The following EXD2 variants were observed in gnomAD, a reference collection of about 807,000 sequenced individuals.
EXD2 encodes exonuclease 3'-5' domain containing 2.
Under a neutral mutation model 62.5 loss-of-function variants are expected in EXD2, and 40 were observed. The observed-to-expected ratio is 0.64, with a 90% CI of 0.50 to 0.83. EXD2 has a LOEUF of 0.83. Ranked by LOEUF, EXD2 falls within the 40% of genes least tolerant of loss-of-function variation. The probability of loss-of-function intolerance (pLI) is 0.00; values close to 1 mark genes in which losing one functional copy is unlikely to be tolerated. For missense variants in EXD2, 671 were observed against 761.8 expected (o/e 0.88, Z 1.40); for synonymous variants, 239 against 291.9 (o/e 0.82, Z 1.85).
At chr14:69,205,261 G>A (rs2042551136) in intron 2 of EXD2, among the ~76,000 whole-genome samples, 1 of 152,158 alleles carries the variant, frequency 6.6e-6, no homozygotes, top group African/African-American at 2.4e-5. Context: ...ATGTTGCCCA[G>A]GTTGGTCTTG....
At chr14:69,208,122 T>A (rs1594740451) in intron 2 of EXD2, among the ~76,000 whole-genome samples, 1 of 151,150 alleles carries the variant, frequency 6.6e-6, no homozygotes, top group Non-Finnish European at 1.5e-5. Flanking sequence ...TGGAACGAAC[T>A]CCTGACCTCA....
intron 2 of EXD2, among the ~76,000 whole-genome samples, chr14:69,206,594 C>G (rs1356629024): frequency 6.6e-6 from 1 of 151,860 alleles, no homozygotes; most frequent in Non-Finnish European, 1.5e-5. Context: ...ATCCTCCCAC[C>G]TCAGGCCCCC....
intron 1 of EXD2, among the ~76,000 whole-genome samples, chr14:69,197,898 A>G (rs1445167595): frequency 1.3e-5 from 2 of 152,214 alleles, no homozygotes; most frequent in Non-Finnish European, 2.9e-5. Context: ...CCTCCCACAT[A>G]GGGTTATTGA....
intron 2 of EXD2, among the ~76,000 whole-genome samples, chr14:69,206,211 G>T (rs193264024): frequency 6.6e-6 from 1 of 152,112 alleles, no homozygotes; most frequent in East Asian, 1.9e-4. Flanking sequence ...GTGAGCCACT[G>T]CACCCAGCTG....
chr14:69,240,348 C>G (rs2043940178), intron 9 of EXD2, among the ~76,000 whole-genome samples: 1 of 152,212 alleles, frequency 6.6e-6, no homozygotes, highest in Non-Finnish European at 1.5e-5. Context: ...AAGCATTTCA[C>G]TGTGACCGAA....
At chr14:69,201,672 G>GTTTTTTGTTTTTTTTT (rs2042402768) in intron 1 of EXD2, among the ~76,000 whole-genome samples, 3 of 59,022 alleles carry the variant, frequency 5.1e-5, no homozygotes, top group African/African-American at 2.0e-4. Context: ...TGTTTTCTCT[G>GTTTTTTGTTTTTTTTT]TTTTTTTTTT....
chr14:69,236,307 C>G, intron 7 of EXD2, 100 bp from the exon 8 acceptor site: 1 of 1,590,358 alleles, frequency 6.3e-7, no homozygotes, highest in Non-Finnish European at 8.6e-7. Flanking sequence ...ATCATGTTCT[C>G]TGCCAGGCCA....
Position 69,241,612 on chromosome 14 carries a change from C to T in EXD2, c.*512C>T, listed in dbSNP as rs765181072. 5.4e-6 allele frequency: 2 copies of T among 371,304 alleles called. No homozygotes were observed. Among genetic ancestry groups the T allele is most frequent in the Non-Finnish European group, 9.6e-6 (2 of 209,180 alleles). 23.0% of individuals were successfully genotyped at this position (371,304 alleles called of 1,614,324 possible). A position where few individuals can be genotyped will look rare whatever the true frequency, so the allele number is the denominator to read the frequency against. On this transcript the variant is annotated 3_prime_UTR_variant, in exon 10 of 10. Transcript: ENST00000685843. Reference sequence around the variant, plus strand: ...TTCATAATTATCATTTCTTTGGCTTCATGCTCTCCCGTAACTCATGTGGTT... The same window carrying T: ...TTCATAATTATCATTTCTTTGGCTTTATGCTCTCCCGTAACTCATGTGGTT...
In EXD2 at chr14:69,224,555, C is replaced by T. The variant is rs974293150; in HGVS notation, c.334-4261C>T. ...TCTCACCTGGACTATTGCAAATCTT[C>T]CCTTGACTGGCCTCCCTGCTTTGAC... On this transcript the variant is annotated intron_variant, in intron 3 of 9. Transcript: ENST00000685843. Among the ~76,000 whole-genome samples, 54 of 152,306 alleles carry T rather than the reference C, an allele frequency of 3.5e-4. 1 individual carries two copies. The highest frequency in any genetic ancestry group is 3.4e-3 in the Middle Eastern group (1 of 294).
intron 4 of EXD2, among the ~76,000 whole-genome samples, 199 bp downstream of exon 4, chr14:69,229,271 C>T (rs974989815): frequency 5.3e-5 from 8 of 152,190 alleles, no homozygotes; most frequent in Non-Finnish European, 2.9e-5. Context: ...CTTTTTAGAT[C>T]AAACATTACT....
intron 1 of EXD2, among the ~76,000 whole-genome samples, chr14:69,198,592 A>C (rs2042286730): frequency 6.6e-6 from 1 of 152,186 alleles, no homozygotes; most frequent in Admixed American, 6.5e-5. Context: ...CTTGCACATT[A>C]TATTTTAGCA....
At chr14:69,197,731 G>A (rs2042254760) in intron 1 of EXD2, among the ~76,000 whole-genome samples, 1 of 152,094 alleles carries the variant, frequency 6.6e-6, no homozygotes, top group South Asian at 2.1e-4. Context: ...GCCTCCAGCT[G>A]ATCCATGTTG....
chr14:69,203,402 C>G (rs112714164), intron 1 of EXD2, among the ~76,000 whole-genome samples: 1,725 of 152,094 alleles, frequency 0.011, 27 homozygotes, highest in East Asian at 0.056. Flanking sequence ...GACCTGAATG[C>G]CACATTTGAA....
chr14:69,226,055 A>G (rs1301684102), intron 3 of EXD2, among the ~76,000 whole-genome samples: 12 of 152,252 alleles, frequency 7.9e-5, no homozygotes. Context: ...TGTATGGTAG[A>G]CAATGAGACC....
intron 3 of EXD2, among the ~76,000 whole-genome samples, chr14:69,222,610 G>T (rs2140283924): frequency 6.6e-6 from 1 of 152,066 alleles, no homozygotes; most frequent in South Asian, 2.1e-4. Flanking sequence ...GTCAGGCTTG[G>T]TCTCTTCTGT....
chr14:69,228,788 A>G (rs2043462456), intron 3 of EXD2, 28 bp from the exon 4 acceptor site: 1 of 1,593,602 alleles, frequency 6.3e-7, no homozygotes, highest in South Asian at 1.1e-5. Flanking sequence ...TCAGGTGTGA[A>G]CCACAACCTT....
At chr14:69,216,232 A>G (rs777828497) in intron 3 of EXD2, among the ~76,000 whole-genome samples, 1 of 152,210 alleles carries the variant, frequency 6.6e-6, no homozygotes, top group Admixed American at 6.5e-5. Flanking sequence ...TTGCTCTGCA[A>G]TGCCACTTTA....
chr14:69,225,428 A>G (rs1347977153), intron 3 of EXD2, among the ~76,000 whole-genome samples: 1 of 152,228 alleles, frequency 6.6e-6, no homozygotes. Context: ...CTCTAAATGA[A>G]TCACTGGAAC....
chr14:69,209,705 G>T lies in EXD2; in HGVS notation c.235G>T (p.Val79Leu). ...SWKERILKAK[V>L]VTVSQEAEWD... The stretch of plus-strand genomic sequence containing the variant: ...GAAGGAACGGATCCTTAAAGCAAAG[G>T]TGGTGACGGTGTCTCAGGAGGCAGA... Residue 79 changes from valine to leucine, a missense_variant, in exon 3 of 10, where the codon GTG (valine) becomes TTG (leucine). Physicochemically the swap from Val to Leu is conservative, Grantham distance 32. Transcript: ENST00000685843. 3 of 1,550,460 alleles carry T rather than the reference G, an allele frequency of 1.9e-6. No homozygotes were observed. In the East Asian group the frequency reaches 7.3e-5, roughly 38 times the overall value.
Sources: allele counts gnomAD v4.1 joint callset (sites outside exome capture counted in the v4.1 genomes callset), GRCh38; gene constraint gnomAD v4.1.1; transcripts MANE v1.5; gene names NCBI Gene and HGNC (gene_info 2026-07-23, HGNC 2026-07-21).